Variants in TMEM255B observed in about 807,000 individuals in gnomAD.
TMEM255B encodes the protein family with sequence similarity 70, member B.
A neutral mutation model predicts 34.5 loss-of-function variants in TMEM255B; 35 were observed. The ratio of observed to expected loss-of-function variants is 1.01; its 90% CI spans 0.77 to 1.34. The LOEUF is 1.34. Among genes scored for constraint, TMEM255B ranks in the 40% most tolerant of loss-of-function variants. TMEM255B has a pLI of 0.00. For missense variants in TMEM255B, 432 were observed against 433.2 expected, an observed-to-expected ratio of 1.00 and a Z score of 0.02; for synonymous variants, 206 against 201.2, an observed-to-expected ratio of 1.02 and a Z score of -0.20.
In TMEM255B at chr13:113,795,346, A is replaced by C. The variant is rs1309893388; in HGVS notation, c.342+109A>C. ...TCTCAGCTCAGACGGCTTCACCGTC[A>C]GTCTCCACGCTGGGGGTTGCCAGTG... On this transcript the variant is annotated intron_variant, in intron 4 of 8. Coordinates refer to ENST00000375353, the MANE Select transcript of TMEM255B (RefSeq NM_182614.4). 1.2e-5 allele frequency: 14 copies of C among 1,169,588 alleles called. No homozygotes were observed. In the Admixed American group the frequency reaches 2.9e-4, roughly 24 times the overall value. The allele number at this position is 1,169,588 out of a possible 1,614,324, so 72.5% of individuals were successfully genotyped here.
rs1566341242 is a variant in TMEM255B, at chr13:113,812,840, GGGTGGGTC to G, written c.*938_*945del. ...AGGTCCTGAGTGGGTCACAGGTCCC[GGGTGGGTC>G]ACAGGCATCCCGGGTGGGTCACAGG... On this transcript the variant is annotated 3_prime_UTR_variant, in exon 9 of 9. Coordinates refer to ENST00000375353, the MANE Select transcript of TMEM255B (RefSeq NM_182614.4). The G allele has an allele frequency of 2.9e-5, 5 of 174,482 alleles. No homozygotes were observed. The highest frequency in any genetic ancestry group is 7.3e-5 in the African/African-American group (3 of 41,310). The allele number at this position is 174,482 out of a possible 1,614,324, so 10.8% of individuals were successfully genotyped here. A position where few individuals can be genotyped will look rare whatever the true frequency, so the allele number is the denominator to read the frequency against.
intron 3 of TMEM255B, among the ~76,000 whole-genome samples, chr13:113,788,493 G>A (rs930471888): frequency 6.6e-6 from 1 of 151,978 alleles, no homozygotes; most frequent in Admixed American, 6.5e-5. Context: ...TGGCACTGGC[G>A]CAGCAGAGGC....
chr13:113,800,138 G>T, intron 5 of TMEM255B: 1 of 1,073,348 alleles, frequency 9.3e-7, no homozygotes, highest in Non-Finnish European at 1.2e-6. Context: ...GTTTAGGGGG[G>T]AGGTGTCCTG....
At chr13:113,776,899 A>C (rs9604523) in intron 3 of TMEM255B, among the ~76,000 whole-genome samples, 1 of 151,762 alleles carries the variant, frequency 6.6e-6, no homozygotes, top group Non-Finnish European at 1.5e-5. Flanking sequence ...GCCCACCCAC[A>C]GGTCCCAGGA....
At chr13:113,763,085 C>T (rs1427120136) in intron 1 of TMEM255B, among the ~76,000 whole-genome samples, 2 of 152,120 alleles carry the variant, frequency 1.3e-5, no homozygotes, top group Non-Finnish European at 2.9e-5. Flanking sequence ...TTGAAGGCAC[C>T]TAGCATTTGG....
At chr13:113,805,818 C>G (rs1244972555) in intron 8 of TMEM255B, among the ~76,000 whole-genome samples, 1 of 152,164 alleles carries the variant, frequency 6.6e-6, no homozygotes, top group East Asian at 1.9e-4. Flanking sequence ...AGTTGAGAAC[C>G]CTGGTCCTGA....
At chr13:113,762,150 C>T (rs571962513) in intron 1 of TMEM255B, among the ~76,000 whole-genome samples, 1 of 149,804 alleles carries the variant, frequency 6.7e-6, no homozygotes, top group Non-Finnish European at 1.5e-5. Context: ...TTTTAATTAT[C>T]TTTCTCCTAA....
intron 2 of TMEM255B, chr13:113,766,478 G>A (rs2050393212): frequency 1.4e-6 from 1 of 698,786 alleles, no homozygotes; most frequent in Non-Finnish European, 2.5e-6. Context: ...TGGGGTTGAG[G>A]TCCAAGTTGA....
chr13:113,801,876 G>A lies in TMEM255B; in HGVS notation c.669+64G>A, dbSNP rs144014327. On this transcript the variant is annotated intron_variant, in intron 7 of 8. Coordinates refer to ENST00000375353, the MANE Select transcript of TMEM255B (RefSeq NM_182614.4). ...GCCGGGGCTCCGGGTCCATTTCCCC[G>A]GGGTGGGCTGGGGGGCCTCCAGCCC... 1.8e-3 allele frequency: 2,593 copies of A among 1,470,812 alleles called. 20 individuals are homozygous for A. In the African/African-American group the frequency reaches 0.02, roughly 11 times the overall value. The allele number at this position is 1,470,812 out of a possible 1,614,324, so 91.1% of individuals were successfully genotyped here.
chr13:113,782,676 G>T (rs1015039476), intron 3 of TMEM255B, among the ~76,000 whole-genome samples: 6 of 116,692 alleles, frequency 5.1e-5, no homozygotes, highest in African/African-American at 2.6e-4. Flanking sequence ...GATGGTCGGA[G>T]GGGGGGGCTT....
At chr13:113,767,021 A>G (rs1156380286) in intron 2 of TMEM255B, among the ~76,000 whole-genome samples, 1 of 152,220 alleles carries the variant, frequency 6.6e-6, no homozygotes, top group Admixed American at 6.5e-5. Flanking sequence ...ATCAGCTGCG[A>G]TGCCCTTCAC....
At chr13:113,807,383 G>GGCGCAGGGGCAGATCCACTTCATCCCCA (rs2051195934) in intron 8 of TMEM255B, among the ~76,000 whole-genome samples, 2 of 146,418 alleles carry the variant, frequency 1.4e-5, no homozygotes, top group Admixed American at 6.8e-5. Context: ...GGATGTGGGG[G>GGCGCAGGGGCAGATCCACTTCATCCCCA]TGGTCCTCCC....
chr13:113,766,751 G>A (rs2050399038), intron 2 of TMEM255B, among the ~76,000 whole-genome samples: 1 of 152,196 alleles, frequency 6.6e-6, no homozygotes, highest in South Asian at 2.1e-4. Flanking sequence ...AGAAGCCGTG[G>A]GTCAAAGATC....
rs2051319678 is a variant in TMEM255B, at chr13:113,811,918, A to G, written c.*15A>G. The G allele has an allele frequency of 6.4e-7, 1 of 1,557,086 alleles. No individual in the cohort carries two copies. The highest frequency in any genetic ancestry group is 2.2e-5 in the Admixed American group (1 of 46,272). On this transcript the variant is annotated 3_prime_UTR_variant, in exon 9 of 9. Coordinates refer to ENST00000375353, the MANE Select transcript of TMEM255B (RefSeq NM_182614.4). ...ACGCACCCTGATAGAGGCGTGGAGT[A>G]AAAGATAACTTGTTTGTTTTTTTTT...
At chr13:113,787,780 C>T (rs1054119296) in intron 3 of TMEM255B, among the ~76,000 whole-genome samples, 3 of 151,470 alleles carry the variant, frequency 2.0e-5, no homozygotes, top group Admixed American at 6.6e-5. Flanking sequence ...TGAATCGCGT[C>T]AGCTGGGGCT....
rs2051351869 is a variant in TMEM255B, at chr13:113,812,959, ACGGGCCCCGGGTGG to A, written c.*1057_*1070del. 2 of 146,022 alleles carry A rather than the reference ACGGGCCCCGGGTGG, an allele frequency of 1.4e-5. No individual in the cohort carries two copies. Among genetic ancestry groups the A allele is most frequent in the African/African-American group, 2.6e-5 (1 of 38,134 alleles). The allele number at this position is 146,022 out of a possible 1,614,324, so 9.0% of individuals were successfully genotyped here. On this transcript the variant is annotated 3_prime_UTR_variant, in exon 9 of 9. Coordinates refer to ENST00000375353, the MANE Select transcript of TMEM255B (RefSeq NM_182614.4). Reference sequence around the variant, plus strand: ...GTGGGTCACGGGTCCCGGGTGGGTCACGGGCCCCGGGTGGGTCACGGGTCCCGGGTGGGTCACGG... The same window carrying A: ...GTGGGTCACGGGTCCCGGGTGGGTCAGTCACGGGTCCCGGGTGGGTCACGG...
At chr13:113,794,960 G>T (rs2050894079) in intron 3 of TMEM255B, among the ~76,000 whole-genome samples, 188 bp from the exon 4 acceptor site, 1 of 152,268 alleles carries the variant, frequency 6.6e-6, no homozygotes, top group Non-Finnish European at 1.5e-5. Context: ...CGGAATAGAC[G>T]CGTGAGGACG....
At chr13:113,760,455 C>G (rs2050284359) in intron 1 of TMEM255B, among the ~76,000 whole-genome samples, 1 of 152,184 alleles carries the variant, frequency 6.6e-6, no homozygotes, top group African/African-American at 2.4e-5. Context: ...GAACTTTAAA[C>G]CTTAAAACAA....
chr13:113,807,727 GTGGGCTTATGGGATGTGGGGGGTA>G lies in TMEM255B; in HGVS notation c.813+2700_813+2723del, dbSNP rs1357357052. ...GTGGGGGTGGTCCTCCCTGTCACACGTGGGCTTATGGGATGTGGGGGGTAGTCCTCCCCGTCACACGCAGGCTTA... is the reference window on the plus strand; with the variant it reads ...GTGGGGGTGGTCCTCCCTGTCACACGGTCCTCCCCGTCACACGCAGGCTTA... On this transcript the variant is annotated intron_variant, in intron 8 of 8. Transcript: ENST00000375353. 8.0e-3 allele frequency among the ~76,000 whole-genome samples: 1,007 copies of G among 126,452 alleles called. 87 individuals are homozygous for G. Among genetic ancestry groups the G allele is most frequent in the Admixed American group, 0.02 (229 of 11,484 alleles). The allele number at this position is 126,452 out of a possible 152,430, so 83.0% of individuals were successfully genotyped here.
Sources: gnomAD v4.1 joint callset for allele counts (sites outside exome capture counted in the v4.1 genomes callset) on GRCh38, gnomAD v4.1.1 for gene constraint, MANE v1.5 for transcripts, NCBI Gene and HGNC (gene_info 2026-07-23, HGNC 2026-07-21) for gene names.